ACACB: variants seen among roughly 807,000 people sequenced by gnomAD.
ACACB encodes the protein acetyl-CoA carboxylase beta, also known as acetyl-CoA carboxylase 2.
A neutral mutation model predicts 278.8 loss-of-function variants in ACACB; 209 were observed. The ratio of observed to expected loss-of-function variants is 0.75; its 90% CI spans 0.67 to 0.84. ACACB has a LOEUF of 0.84. Ranked by LOEUF, ACACB falls within the 40% of genes least tolerant of loss-of-function variation. The pLI, the probability that ACACB is intolerant of heterozygous loss-of-function variation, is 0.00. For synonymous variants in ACACB, 1,174 were observed against 1,285.6 expected, an observed-to-expected ratio of 0.91 and a Z score of 1.86; for missense variants, 2,850 against 3,269.0, an observed-to-expected ratio of 0.87 and a Z score of 3.13.
rs779294823 is a variant in ACACB, at chr12:109,265,517, C to T, written c.7242C>T (p.Thr2414=). 4 of 1,613,382 alleles carry T rather than the reference C, an allele frequency of 2.5e-6. No homozygotes were observed. In the South Asian group the frequency reaches 4.4e-5, roughly 18 times the overall value. Residue 2414 remains threonine, a synonymous_variant, in exon 52 of 53, where the codon ACC becomes ACT. Transcript: ENST00000338432. The part of the protein sequence containing the change: ...TYLKHDSVLK[T]IRGLVEENPE... The stretch of plus-strand genomic sequence containing the variant: ...TGAAGCACGACTCTGTCCTCAAGAC[C>T]ATCCGAGGGTGAGTGGCCACCGCAC...
intron 2 of ACACB, among the ~76,000 whole-genome samples, chr12:109,156,252 A>C (rs944012956): frequency 4.6e-5 from 7 of 151,100 alleles, no homozygotes; most frequent in Non-Finnish European, 1.0e-4. Flanking sequence ...AAATGTGCCC[A>C]GGTGTGGTGG....
At chr12:109,253,257 G>C (rs144548540) in intron 43 of ACACB, 99 bp downstream of exon 43, 6 of 1,302,650 alleles carry the variant, frequency 4.6e-6, no homozygotes, top group Non-Finnish European at 6.2e-6. Context: ...GGGAGGCTGA[G>C]GAGCAGGAAG....
intron 20 of ACACB, among the ~76,000 whole-genome samples, chr12:109,208,378 G>C (rs2045584937): frequency 1.3e-5 from 2 of 151,650 alleles, no homozygotes; most frequent in Non-Finnish European, 1.5e-5. Flanking sequence ...ACCACACCCA[G>C]CTAATTTTTT....
At chr12:109,156,759 G>A (rs577353338) in intron 2 of ACACB, among the ~76,000 whole-genome samples, 13 of 152,144 alleles carry the variant, frequency 8.5e-5, no homozygotes, top group Admixed American at 5.9e-4. Flanking sequence ...AGGAAGGGTC[G>A]CAAAAATGGT....
At position 109,244,605 on chromosome 12, in the gene ACACB, G is replaced by A. The variant is rs186849702; in HGVS notation, c.5179-1021G>A. ...TCCATTGTCTCTTTTTTACAGGCAT[G>A]AGCCACCATGCCTGGCTAATTTTTT... is the stretch of plus-strand genomic sequence containing the variant. On this transcript the variant is annotated intron_variant, in intron 37 of 52. Coordinates refer to ENST00000338432, the MANE Select transcript of ACACB (RefSeq NM_001093.4). 1.3e-4 allele frequency among the ~76,000 whole-genome samples: 20 copies of A among 152,110 alleles called. No individual in the cohort carries two copies. In the East Asian group the frequency reaches 3.7e-3, roughly 28 times the overall value.
intron 27 of ACACB, among the ~76,000 whole-genome samples, 176 bp downstream of exon 27, chr12:109,224,080 A>G (rs2046251487): frequency 6.6e-6 from 1 of 152,152 alleles, no homozygotes; most frequent in Non-Finnish European, 1.5e-5. Context: ...AGGCTCAGAG[A>G]GGTCAAGTGA....
At chr12:109,126,303 G>A (rs73195484) in intron 1 of ACACB, among the ~76,000 whole-genome samples, 8,141 of 152,194 alleles carry the variant, frequency 0.053, 404 homozygotes, top group East Asian at 0.25. Flanking sequence ...GTGGAAAAAC[G>A]GCTCCTCTTA....
At position 109,176,180 on chromosome 12, in the gene ACACB, A is replaced by G; in HGVS notation, c.1354A>G (p.Met452Val). ...AGCAGAAAGAATTGGTTTTCCATTG[A>G]TGATCAAAGCTTCTGAAGGTGGCGG... is the stretch of plus-strand genomic sequence containing the variant. ...EAAERIGFPL[M>V]IKASEGGGGK... The change falls in exon 9 of 53, where the codon ATG becomes GTG. Residue 452 changes from methionine (M) to valine (V), a missense_variant. Met to Val is a conservative substitution (Grantham distance 21, BLOSUM62 1). Coordinates refer to ENST00000338432, the MANE Select transcript of ACACB (RefSeq NM_001093.4). 3 of 1,614,206 alleles carry G rather than the reference A, an allele frequency of 1.9e-6. No individual in the cohort carries two copies. The highest frequency in any genetic ancestry group is 2.5e-6 in the Non-Finnish European group (3 of 1,180,038).
At position 109,253,111 on chromosome 12, in the gene ACACB, TTTGAGGGGGTTTATACCATCC is replaced by T; in HGVS notation, c.6000_6020del (p.Phe2000_Ile2006del). 1 of 1,612,910 alleles carries T rather than the reference TTTGAGGGGGTTTATACCATCC, an allele frequency of 6.2e-7. No individual in the cohort carries two copies. The highest frequency in any genetic ancestry group is 2.2e-5 in the East Asian group (1 of 44,868). The stretch of plus-strand genomic sequence containing the variant: ...CTCCCACATCACCGTGCCAGATGAC[TTTGAGGGGGTTTATACCATCC>T]TGGAGTGGCTGTCCTATATGCCAAA... On this transcript the variant is annotated inframe_deletion, in exon 43 of 53. Transcript: ENST00000338432.
In ACACB at chr12:109,185,795, G is replaced by C. The variant is rs575495764; in HGVS notation, c.1980+55G>C. ...CATCTCAGATCTCCCAGCATGTGGG[G>C]GACCCTGGATGTTAGCCTGGGAAGA... On this transcript the variant is annotated intron_variant, in intron 12 of 52. Transcript: ENST00000338432. 6.7e-5 allele frequency: 103 copies of C among 1,538,084 alleles called. No individual in the cohort carries two copies. The African/African-American group carries it at 1.3e-3, about 19-fold the overall frequency.
intron 20 of ACACB, among the ~76,000 whole-genome samples, chr12:109,208,758 C>T (rs1283705194): frequency 6.6e-6 from 1 of 152,172 alleles, no homozygotes; most frequent in Non-Finnish European, 1.5e-5. Context: ...GTTTCAGTTG[C>T]CTCAATTGCA....
At chr12:109,129,612 AG>A (rs1241964766) in intron 1 of ACACB, among the ~76,000 whole-genome samples, 1 of 152,256 alleles carries the variant, frequency 6.6e-6, no homozygotes, top group African/African-American at 2.4e-5. Flanking sequence ...ATCAGGGAAC[AG>A]ATAGGATGTT....
chr12:109,171,833 C>A lies in ACACB; in HGVS notation c.954C>A (p.Val318=). ...AEYIKMADHY[V]PVPGGPNNNN... ...ACATCAAGATGGCGGATCATTACGT[C>A]CCCGTCCCAGGAGGGCCCAATAACA... Residue 318 remains valine (V), a synonymous_variant, in exon 5 of 53, where the codon GTC becomes GTA. Coordinates refer to ENST00000338432, the MANE Select transcript of ACACB (RefSeq NM_001093.4). 1.9e-6 allele frequency: 3 copies of A among 1,614,104 alleles called. No homozygotes were observed. Among genetic ancestry groups the A allele is most frequent in the Non-Finnish European group, 2.5e-6 (3 of 1,179,970 alleles).
chr12:109,193,650 GCCAGGTCCTC>G lies in ACACB; in HGVS notation c.2407_2416del (p.Val803ArgfsTer5). 6.2e-7 allele frequency: 1 copy of G among 1,613,126 alleles called. No homozygotes were observed. Among genetic ancestry groups the G allele is most frequent in the Non-Finnish European group, 8.5e-7 (1 of 1,179,148 alleles). ...CACAACCCTGTCTTTTCTTTCAGGGGCCAGGTCCTCCCAGCGGATTCACTACTGAACCTCG... is the reference window on the plus strand; with the variant it reads ...CACAACCCTGTCTTTTCTTTCAGGGGCCAGCGGATTCACTACTGAACCTCG... On this transcript the variant is annotated frameshift_variant, in exon 16 of 53. Coordinates refer to ENST00000338432, the MANE Select transcript of ACACB (RefSeq NM_001093.4). LOFTEE classifies it high-confidence loss of function.
chr12:109,142,055 C>T (rs2043135803), intron 2 of ACACB, among the ~76,000 whole-genome samples: 1 of 151,858 alleles, frequency 6.6e-6, no homozygotes, highest in South Asian at 2.1e-4. Flanking sequence ...CAAGACCAGC[C>T]TGGGCAATAT....
intron 2 of ACACB, among the ~76,000 whole-genome samples, chr12:109,146,016 A>G (rs1189402412): frequency 1.3e-5 from 2 of 151,918 alleles, no homozygotes; most frequent in African/African-American, 2.4e-5. Context: ...CTCGAAAAAA[A>G]AATTATTATT....
At position 109,133,857 on chromosome 12, in the gene ACACB, ATATATATTTTTT is replaced by A. The variant is rs1220956551; in HGVS notation, c.-9-5538_-9-5527del. ...TGTGCATATATATATATATATATAT[ATATATATTTTTT>A]TTTTTTTTTTTTTCATTTTTTCAGC... is the stretch of plus-strand genomic sequence containing the variant. On this transcript the variant is annotated intron_variant, in intron 1 of 52. Transcript: ENST00000338432. Among the ~76,000 whole-genome samples the A allele has an allele frequency of 6.1e-5, 3 of 49,058 alleles. No homozygotes were observed. In the Admixed American group the frequency reaches 6.9e-4, roughly 11 times the overall value. 32.2% of individuals were successfully genotyped at this position (49,058 alleles called of 152,430 possible). A position where few individuals can be genotyped will look rare whatever the true frequency, so the allele number is the denominator to read the frequency against.
intron 11 of ACACB, among the ~76,000 whole-genome samples, chr12:109,181,840 C>CTTTTTTTTTTTT (rs34174568): frequency 1.7e-4 from 14 of 81,578 alleles, no homozygotes; most frequent in Non-Finnish European, 2.6e-4. Flanking sequence ...TTTTCCTTTC[C>CTTTTTTTTTTTT]TTTTTTTTTT....
intron 42 of ACACB, chr12:109,252,577 A>C (rs2047125944): frequency 5.9e-6 from 1 of 170,306 alleles, no homozygotes; most frequent in Non-Finnish European, 1.2e-5. Context: ...CCTTGTTGAA[A>C]AGTCTCTATA....
Sources: gnomAD v4.1 joint callset for allele counts (sites outside exome capture counted in the v4.1 genomes callset) on GRCh38, gnomAD v4.1.1 for gene constraint, MANE v1.5 for transcripts, NCBI Gene and HGNC (gene_info 2026-07-23, HGNC 2026-07-21) for gene names.